PLCD4: variants seen among roughly 807,000 people sequenced by gnomAD.
The protein encoded by PLCD4 is 1-phosphatidylinositol 4,5-bisphosphate phosphodiesterase delta-4.
Under a neutral mutation model 90.2 loss-of-function variants are expected in PLCD4, and 63 were observed. The ratio of observed to expected loss-of-function variants is 0.70; its 90% CI spans 0.57 to 0.86. The LOEUF is 0.86. Ranked by LOEUF, PLCD4 falls within the 40% of genes least tolerant of loss-of-function variation. PLCD4 has a pLI of 0.00. For synonymous variants in PLCD4, 294 were observed against 356.5 expected, an observed-to-expected ratio of 0.82 and a Z score of 1.97; for missense variants, 830 against 956.3, an observed-to-expected ratio of 0.87 and a Z score of 1.74.
chr2:218,632,722 T>C (rs1410328330), intron 10 of PLCD4, among the ~76,000 whole-genome samples: 1 of 152,090 alleles, frequency 6.6e-6, no homozygotes, highest in East Asian at 1.9e-4. Flanking sequence ...CATTATTATA[T>C]TGGGTAAGTA....
At position 218,621,547 on chromosome 2, in the gene PLCD4, T is replaced by C. The variant is rs752364295; in HGVS notation, c.488T>C (p.Leu163Ser). ...AGTTTCCAAGAAGTTCAGCGGTTATTGCACCTAATGAATGTGGAAATGGAC... is the reference window on the plus strand; with the variant it reads ...AGTTTCCAAGAAGTTCAGCGGTTATCGCACCTAATGAATGTGGAAATGGAC... ...KMSFQEVQRL[L>S]HLMNVEMDQE... The change falls in exon 5 of 16, where the codon TTG (leucine) becomes TCG (serine). Residue 163 changes from leucine (L) to serine (S), a missense_variant. Physicochemically the swap from Leu to Ser is moderately radical, Grantham distance 145 (BLOSUM62 -2). Coordinates refer to ENST00000450993, the MANE Select transcript of PLCD4 (RefSeq NM_032726.4). 1 of 1,614,048 alleles carries C rather than the reference T, an allele frequency of 6.2e-7. No individual in the cohort carries two copies. The highest frequency in any genetic ancestry group is 8.5e-7 in the Non-Finnish European group (1 of 1,179,878).
intron 3 of PLCD4, 56 bp downstream of exon 3, chr2:218,616,118 C>T (rs1695569252): frequency 1.9e-6 from 3 of 1,585,304 alleles, no homozygotes; most frequent in East Asian, 2.3e-5. Flanking sequence ...GCCTGAGGAG[C>T]CCGGCAGGGG....
At chr2:218,623,568 G>T (rs1383034943) in intron 6 of PLCD4, among the ~76,000 whole-genome samples, 1 of 152,160 alleles carries the variant, frequency 6.6e-6, no homozygotes, top group East Asian at 1.9e-4. Flanking sequence ...GAACTTTCAC[G>T]TTCCTCATTT....
chr2:218,621,096 A>T (rs1162827553), intron 4 of PLCD4, among the ~76,000 whole-genome samples: 1 of 151,734 alleles, frequency 6.6e-6, no homozygotes, highest in Admixed American at 6.6e-5. Context: ...CACCCAGATA[A>T]TTTTTTTGTA....
At chr2:218,620,530 A>C (rs991039438) in intron 4 of PLCD4, among the ~76,000 whole-genome samples, 1 of 150,936 alleles carries the variant, frequency 6.6e-6, no homozygotes, top group Non-Finnish European at 1.5e-5. Context: ...TAATTATAAA[A>C]GAATTTTTAT....
intron 1 of PLCD4, among the ~76,000 whole-genome samples, chr2:218,613,530 ATT>A (rs1695443334): frequency 6.6e-6 from 1 of 151,778 alleles, no homozygotes; most frequent in African/African-American, 2.4e-5. Flanking sequence ...GTTTTATGAG[ATT>A]TGTCTGTTTC....
In PLCD4 at chr2:218,634,258, G is replaced by C. The variant is rs1696577611; in HGVS notation, c.1723+37G>C. On this transcript the variant is annotated intron_variant, in intron 12 of 15. Transcript: ENST00000450993. This position sits in a 1 kb window ranked among gnomAD's most constrained non-coding sequence, Gnocchi z 4.0. ...GCAGGGACTGGGAAGAGGGAGTGGA[G>C]GAGCAGCAGGTGGGAAATAAGTTCT... The C allele has an allele frequency of 7.6e-6, 12 of 1,587,982 alleles. No homozygotes were observed. The East Asian group carries it at 2.3e-4, about 30-fold the overall frequency.
rs548113968 is a variant in PLCD4 at position 218,634,144 on chromosome 2, G to T, written c.1646G>T (p.Arg549Leu). 1.2e-6 allele frequency: 2 copies of T among 1,612,582 alleles called. No homozygotes were observed. The highest frequency in any genetic ancestry group is 1.7e-6 in the Non-Finnish European group (2 of 1,179,324). The part of the protein sequence containing the change: ...FVQHNTWQLS[R>L]VYPSGLRTDS... ...CAGCACAATACTTGGCAGTTAAGCC[G>T]TGTGTATCCCAGCGGCCTGAGGACA... Residue 549 changes from arginine (R) to leucine (L), a missense_variant, in exon 12 of 16, where the codon CGT (arginine) becomes CTT (leucine). Transcript: ENST00000450993. The surrounding 1 kb of genome is among the most constrained non-coding windows in gnomAD (Gnocchi z 4.0).
intron 3 of PLCD4, 121 bp downstream of exon 3, chr2:218,616,183 T>A (rs940171596): frequency 4.4e-6 from 5 of 1,134,390 alleles, no homozygotes; most frequent in African/African-American, 1.5e-5. Context: ...TGTGGCTATA[T>A]CTGAGCCTGT....
chr2:218,609,388 TGAG>T (rs775209581), intron 1 of PLCD4: 2 of 152,192 alleles, frequency 1.3e-5, no homozygotes, highest in Non-Finnish European at 2.9e-5. Context: ...TCTTAGAAAT[TGAG>T]GACCAAATTG....
Position 218,637,062 on chromosome 2 carries a change from G to A in PLCD4, c.*485G>A, listed in dbSNP as rs145617745. ...TTCCCCAGCAAAGATTAGGGAAAGA[G>A]ACTTGACCCCAGGACTGTACTACGA... is the stretch of plus-strand genomic sequence containing the variant. On this transcript the variant is annotated 3_prime_UTR_variant, in exon 16 of 16. Transcript: ENST00000450993. 2.1e-4 allele frequency: 83 copies of A among 390,090 alleles called. No individual in the cohort carries two copies. Among genetic ancestry groups the A allele is most frequent in the African/African-American group, 1.6e-3 (75 of 47,828 alleles). 24.2% of individuals were successfully genotyped at this position (390,090 alleles called of 1,614,324 possible).
chr2:218,614,632 A>G (rs928419385), intron 1 of PLCD4, among the ~76,000 whole-genome samples: 6 of 148,674 alleles, frequency 4.0e-5, no homozygotes, highest in African/African-American at 1.2e-4. Context: ...TTGTATTACT[A>G]GTGAGACGGG....
Position 218,618,823 on chromosome 2 carries a change from A to T in PLCD4, c.410+16A>T. 1.9e-6 allele frequency: 3 copies of T among 1,565,054 alleles called. No homozygotes were observed. The highest frequency in any genetic ancestry group is 2.6e-6 in the Non-Finnish European group (3 of 1,153,756). ...GCCTGGACCAGTATCGGCAGGATGG[A>T]GTCAGGGTGGGGGTGAGGGATCACG... On this transcript the variant is annotated intron_variant, in intron 4 of 15. Transcript: ENST00000450993.
rs768903462 is a variant in PLCD4, at chr2:218,616,080, TG to T, written c.181+24del. ...GCCCAGCTGTGAGTGACCTGGATAG[TG>T]GGGGGTGGATACATGGGTGGATAGA... On this transcript the variant is annotated intron_variant, in intron 3 of 15. Transcript: ENST00000450993. 5 of 1,611,074 alleles carry T rather than the reference TG, an allele frequency of 3.1e-6. No homozygotes were observed. In the Admixed American group the frequency reaches 5.0e-5, roughly 16 times the overall value.
chr2:218,614,560 C>T (rs1295347139), intron 1 of PLCD4, among the ~76,000 whole-genome samples: 3 of 152,128 alleles, frequency 2.0e-5, no homozygotes, highest in Admixed American at 2.0e-4. Context: ...AGCGATTCTC[C>T]TGCCTCAGCC....
chr2:218,615,292 TAGAG>T (rs967528879), intron 1 of PLCD4, among the ~76,000 whole-genome samples: 1 of 152,126 alleles, frequency 6.6e-6, no homozygotes, highest in African/African-American at 2.4e-5. Context: ...GGAGCATAGA[TAGAG>T]AGGACTCCCA....
intron 6 of PLCD4, 25 bp from the exon 7 acceptor site, chr2:218,628,004 T>C (rs755607817): frequency 1.8e-5 from 29 of 1,592,280 alleles, no homozygotes; most frequent in Middle Eastern, 1.7e-4. Flanking sequence ...GCTTCTCACC[T>C]AGTGTTCCCC....
intron 4 of PLCD4, among the ~76,000 whole-genome samples, chr2:218,619,525 C>A (rs932390866): frequency 6.6e-6 from 1 of 152,076 alleles, no homozygotes; most frequent in African/African-American, 2.4e-5. Flanking sequence ...GAACTCTGGA[C>A]CTCGTGATCC....
In PLCD4 at chr2:218,633,761, G is replaced by T; in HGVS notation, c.1606G>T (p.Gly536Cys). The change falls in exon 11 of 16, where the codon GGC becomes TGC. Residue 536 changes from glycine (G) to cysteine (C), a missense_variant and splice_region_variant. Gly to Cys is a radical substitution (Grantham distance 159). Transcript: ENST00000450993. ...GGCCAAGCGCCTCATCAAGGAGGCT[G>T]GTCAGGACCAAAATGGAGGGATGGG... ...TKAKRLIKEA[G>C]NEFVQHNTWQ... is the part of the protein sequence containing the mutation. 1 of 1,613,812 alleles carries T rather than the reference G, an allele frequency of 6.2e-7. No individual in the cohort carries two copies. Among genetic ancestry groups the T allele is most frequent in the Non-Finnish European group, 8.5e-7 (1 of 1,179,850 alleles).
Sources: gnomAD v4.1 joint callset for allele counts (sites outside exome capture counted in the v4.1 genomes callset) on GRCh38, gnomAD v4.1.1 for gene constraint, Gnocchi (gnomAD v3.1) non-coding constraint, MANE v1.5 for transcripts, NCBI Gene and HGNC (gene_info 2026-07-23, HGNC 2026-07-21) for gene names.